Variants in GRID2 observed in about 807,000 individuals in gnomAD.
GRID2 encodes glutamate receptor ionotropic, delta-2.
In GRID2, 33 loss-of-function variants were observed where a neutral mutation model predicts 114.8. That is an observed-to-expected ratio of 0.29 (90% CI 0.22 to 0.38). GRID2 has a LOEUF of 0.38. Among genes scored for constraint, GRID2 ranks in the 10% least tolerant of loss-of-function variants. The pLI is 1.00. For synonymous variants in GRID2, 505 were observed against 449.9 expected, an observed-to-expected ratio of 1.12 and a Z score of -1.55; for missense variants, 1,184 against 1,257.7, an observed-to-expected ratio of 0.94 and a Z score of 0.89.
At position 92,785,197 on chromosome 4, in the gene GRID2, T is replaced by C. The variant is rs371634542; in HGVS notation, c.244+194911T>C. On this transcript the variant is annotated intron_variant, in intron 2 of 15. Transcript: ENST00000282020. ...GATTGTTTTAAAATACAGATTGAGATTGTTTTAAATTTGTAGACAAACGGA... is the reference window on the plus strand; with the variant it reads ...GATTGTTTTAAAATACAGATTGAGACTGTTTTAAATTTGTAGACAAACGGA... 7.2e-4 allele frequency among the ~76,000 whole-genome samples: 109 copies of C among 151,382 alleles called. 1 individual carries two copies. The highest frequency in any genetic ancestry group is 2.6e-3 in the African/African-American group (107 of 41,430).
intron 8 of GRID2, among the ~76,000 whole-genome samples, chr4:93,340,593 T>C (rs887123105): frequency 2.0e-5 from 3 of 152,136 alleles, no homozygotes; most frequent in African/African-American, 7.2e-5. Context: ...TTTAAGTTGC[T>C]CTTTTTCTCA....
At chr4:92,663,596 T>G (rs1291562042) in intron 2 of GRID2, among the ~76,000 whole-genome samples, 3 of 151,250 alleles carry the variant, frequency 2.0e-5, no homozygotes, top group Non-Finnish European at 4.4e-5. Context: ...TTTTGTTTGC[T>G]TATTTTGTGG....
At chr4:92,797,792 G>A (rs1739963140) in intron 2 of GRID2, among the ~76,000 whole-genome samples, 1 of 151,696 alleles carries the variant, frequency 6.6e-6, no homozygotes, top group Non-Finnish European at 1.5e-5. Flanking sequence ...AAAACTCTGT[G>A]CACAGACTGG....
At position 93,085,275 on chromosome 4, in the gene GRID2, A is replaced by T; in HGVS notation, c.525A>T (p.Glu175Asp). ...WQKFIIFYDSEYDIRGIQEFL... is the reference protein window; with the variant it reads ...WQKFIIFYDSDYDIRGIQEFL... ...AATTCATTATATTCTATGATAGTGAATACGGTAAGTGTTTATAATTTGTTT... is the reference window on the plus strand; with the variant it reads ...AATTCATTATATTCTATGATAGTGATTACGGTAAGTGTTTATAATTTGTTT... Residue 175 changes from glutamate (E) to aspartate (D), a missense_variant, in exon 3 of 16, where the codon GAA becomes GAT. By Grantham distance (45) the Glu-to-Asp change is conservative. Around this residue, in one of 3 missense-constraint regions of GRID2, gnomAD observed 455 missense variants for 429.5 expected, o/e 1.06. Transcript: ENST00000282020. 6.2e-7 allele frequency: 1 copy of T among 1,608,820 alleles called. No homozygotes were observed. Among genetic ancestry groups the T allele is most frequent in the Non-Finnish European group, 8.5e-7 (1 of 1,175,112 alleles).
At chr4:93,023,323 A>T (rs750430427) in intron 2 of GRID2, among the ~76,000 whole-genome samples, 4 of 151,994 alleles carry the variant, frequency 2.6e-5, no homozygotes, top group Non-Finnish European at 4.4e-5. Context: ...ATCTGTAGTG[A>T]AATATTTCAA....
chr4:92,946,507 A>G (rs901870249), intron 2 of GRID2, among the ~76,000 whole-genome samples: 1 of 152,030 alleles, frequency 6.6e-6, no homozygotes, highest in African/African-American at 2.4e-5. Flanking sequence ...CCAAAATTAT[A>G]TTAATAACTT....
intron 13 of GRID2, among the ~76,000 whole-genome samples, chr4:93,608,240 G>C (rs1319257716): frequency 2.0e-5 from 3 of 147,390 alleles, no homozygotes; most frequent in Admixed American, 6.7e-5. Context: ...TTTTCTTATA[G>C]GGATTTTATT....
intron 8 of GRID2, among the ~76,000 whole-genome samples, chr4:93,249,881 T>G (rs1748655999): frequency 6.6e-6 from 1 of 152,262 alleles, no homozygotes; most frequent in East Asian, 1.9e-4. Flanking sequence ...ATAGGAATGC[T>G]TTTACACTGT....
At chr4:93,406,080 A>C (rs1466042985) in intron 9 of GRID2, among the ~76,000 whole-genome samples, 1 of 152,116 alleles carries the variant, frequency 6.6e-6, no homozygotes, top group African/African-American at 2.4e-5. Context: ...TAACTTCTTC[A>C]AGTTACAAAT....
At chr4:93,619,466 C>T (rs1742012283) in intron 13 of GRID2, among the ~76,000 whole-genome samples, 1 of 152,192 alleles carries the variant, frequency 6.6e-6, no homozygotes, top group Non-Finnish European at 1.5e-5. Flanking sequence ...ATCACATTAT[C>T]CCCCACTGAC....
At position 93,273,566 on chromosome 4, in the gene GRID2, T is replaced by A. The variant is rs181406387; in HGVS notation, c.1245+35076T>A. ...GAGGAATTATATGGGAAAGAGGAAT[T>A]AAAGGCTATAATTATCTGGCTTTAA... On this transcript the variant is annotated intron_variant, in intron 8 of 15. Transcript: ENST00000282020. Among the ~76,000 whole-genome samples the A allele has an allele frequency of 1.1e-3, 167 of 152,046 alleles. 1 individual carries two copies. Among genetic ancestry groups the A allele is most frequent in the African/African-American group, 3.9e-3 (161 of 41,482 alleles).
intron 8 of GRID2, chr4:93,282,393 G>T (rs1752740248): frequency 4.4e-6 from 2 of 449,522 alleles, no homozygotes; most frequent in Admixed American, 2.4e-5. Flanking sequence ...AGACTGGGAA[G>T]TTCAAGATCA....
chr4:92,948,119 A>G (rs1412884700), intron 2 of GRID2, among the ~76,000 whole-genome samples: 1 of 151,896 alleles, frequency 6.6e-6, no homozygotes, highest in Admixed American at 6.6e-5. Flanking sequence ...TTATAAAGCC[A>G]TTATACTCCT....
chr4:92,340,585 C>T (rs1579205710), intron 1 of GRID2, among the ~76,000 whole-genome samples: 1 of 152,282 alleles, frequency 6.6e-6, no homozygotes, highest in Non-Finnish European at 1.5e-5. Context: ...ACATGATGAA[C>T]ACCTACTCAT....
intron 1 of GRID2, among the ~76,000 whole-genome samples, chr4:92,488,357 A>G (rs1005218980): frequency 1.3e-5 from 2 of 152,172 alleles, no homozygotes; most frequent in Admixed American, 6.6e-5. Context: ...CCAGTATGTC[A>G]CTTTGAAATA....
chr4:93,095,847 C>T (rs1731176815), intron 3 of GRID2, among the ~76,000 whole-genome samples: 1 of 151,908 alleles, frequency 6.6e-6, no homozygotes, highest in South Asian at 2.1e-4. Flanking sequence ...ATTTAATAAT[C>T]AAAAATCTTA....
intron 11 of GRID2, among the ~76,000 whole-genome samples, chr4:93,459,074 G>C (rs902526816): frequency 6.6e-6 from 1 of 150,590 alleles, no homozygotes; most frequent in Admixed American, 6.7e-5. Context: ...CAGCTACTCA[G>C]GAGGCTGAGG....
At chr4:92,689,054 A>G (rs1734057049) in intron 2 of GRID2, among the ~76,000 whole-genome samples, 3 of 152,196 alleles carry the variant, frequency 2.0e-5, no homozygotes, top group Non-Finnish European at 1.5e-5. Flanking sequence ...ACCAGTATCA[A>G]TGAGCACTAA....
At chr4:92,865,927 A>G (rs1744831204) in intron 2 of GRID2, among the ~76,000 whole-genome samples, 1 of 152,240 alleles carries the variant, frequency 6.6e-6, no homozygotes, top group Non-Finnish European at 1.5e-5. Flanking sequence ...GTGATGAATT[A>G]TTTTTGTAAA....
Sources: allele counts gnomAD v4.1 joint callset (sites outside exome capture counted in the v4.1 genomes callset), GRCh38; gene constraint gnomAD v4.1.1; regional missense constraint gnomAD v4.1.1; transcripts MANE v1.5; gene names NCBI Gene and HGNC (gene_info 2026-07-23, HGNC 2026-07-21).